The following BICRAL variants were observed in gnomAD, a reference collection of about 807,000 sequenced individuals.
BICRAL encodes BICRA like chromatin remodeling complex associated protein, also known as BRD4-interacting chromatin-remodeling complex-associated protein-like.
In BICRAL, 8 loss-of-function variants were observed where a neutral mutation model predicts 91.8. That is an observed-to-expected ratio of 0.09 (90% CI 0.05 to 0.16). The LOEUF (loss-of-function observed/expected upper bound fraction) is 0.16. Among genes scored for constraint, BICRAL ranks in the 10% least tolerant of loss-of-function variants. The pLI is 1.00. For synonymous variants in BICRAL, 445 were observed against 491.1 expected, an observed-to-expected ratio of 0.91 and a Z score of 1.24; for missense variants, 1,038 against 1,310.9, an observed-to-expected ratio of 0.79 and a Z score of 3.21.
intron 2 of BICRAL, among the ~76,000 whole-genome samples, chr6:42,820,284 A>G (rs1764102863): frequency 6.6e-6 from 1 of 152,188 alleles, no homozygotes; most frequent in Non-Finnish European, 1.5e-5. Flanking sequence ...AGTTTGTTCC[A>G]GAGACGGACA....
At chr6:42,778,312 G>A (rs1762830714), upstream of BICRAL, among the ~76,000 whole-genome samples, 1 of 152,202 alleles carries the variant, frequency 6.6e-6, no homozygotes, top group South Asian at 2.1e-4. Flanking sequence ...GACAGAGCGT[G>A]AGTTTTGGGG....
Position 42,808,358 on chromosome 6 carries a change from C to T in BICRAL, c.-101-1948C>T, listed in dbSNP as rs549572284. 8.6e-5 allele frequency among the ~76,000 whole-genome samples: 13 copies of T among 151,928 alleles called. No individual in the cohort carries two copies. The South Asian group carries it at 1.5e-3, about 17-fold the overall frequency. ...GTTGGTCAGGCTGGTCTCGAACTCC[C>T]GACCTCAGGTGATCGCCTGCCTCAG... On this transcript the variant is annotated intron_variant, in intron 1 of 12. Transcript: ENST00000314073.
Position 42,822,958 on chromosome 6 carries a change from A to G in BICRAL, c.114A>G (p.Ala38=), listed in dbSNP as rs757530367. Reference sequence around the variant, plus strand: ...AGAGCAATGATGACTTGACTAATGCAGGATATTCTGCAGCCAATTCAAATT... The same window carrying G: ...AGAGCAATGATGACTTGACTAATGCGGGATATTCTGCAGCCAATTCAAATT... ...NKSSNDDLTN[A]GYSAANSNSI... is the part of the protein sequence containing the mutation. Residue 38 remains alanine (A), a synonymous_variant, in exon 5 of 13, where the codon GCA becomes GCG. Transcript: ENST00000314073. 5 of 1,611,666 alleles carry G rather than the reference A, an allele frequency of 3.1e-6. No individual in the cohort carries two copies. The highest frequency in any genetic ancestry group is 1.1e-5 in the South Asian group (1 of 91,034).
At chr6:42,775,930 A>G (rs1762801020) in intron 1 of BICRAL, among the ~76,000 whole-genome samples, 1 of 152,224 alleles carries the variant, frequency 6.6e-6, no homozygotes, top group African/African-American at 2.4e-5. Flanking sequence ...AAATAATTCC[A>G]CGGTACTTTT....
At chr6:42,786,285 T>G (rs920707128) in intron 1 of BICRAL, among the ~76,000 whole-genome samples, 1 of 152,214 alleles carries the variant, frequency 6.6e-6, no homozygotes, top group Non-Finnish European at 1.5e-5. Context: ...ATGTCCACAT[T>G]GGAAAGTTTT....
At chr6:42,809,970 A>G (rs1033397881) in intron 1 of BICRAL, among the ~76,000 whole-genome samples, 8 of 151,992 alleles carry the variant, frequency 5.3e-5, no homozygotes, top group Admixed American at 6.6e-5. Context: ...TATTTTTAGT[A>G]GAGACGGGGT....
chr6:42,747,551 AAC>A (rs950815965), intron 1 of BICRAL, among the ~76,000 whole-genome samples: 19 of 152,068 alleles, frequency 1.2e-4, no homozygotes, highest in African/African-American at 4.4e-4. Context: ...AAACAAACAA[AAC>A]ACACATAAAT....
chr6:42,845,195 G>GGTTTT lies in BICRAL; in HGVS notation c.1840-6897_1840-6896insGTTTT, dbSNP rs1562490931. 9.6e-3 allele frequency among the ~76,000 whole-genome samples: 245 copies of GGTTTT among 25,616 alleles called. 69 individuals are homozygous for GGTTTT. The highest frequency in any genetic ancestry group is 0.016 in the South Asian group (9 of 556). The allele number at this position is 25,616 out of a possible 152,430, so 16.8% of individuals were successfully genotyped here. On this transcript the variant is annotated intron_variant, in intron 6 of 12. Transcript: ENST00000314073. ...CTTCTCTGTTTTTTGTTTTTTGGGTGTTTTTTTTTTTTTTTTTTTTTTTTT... is the reference window on the plus strand; with the variant it reads ...CTTCTCTGTTTTTTGTTTTTTGGGTGGTTTTTTTTTTTTTTTTTTTTTTTTTTTTT...
chr6:42,752,463 T>C (rs1762394830), intron 1 of BICRAL, among the ~76,000 whole-genome samples: 1 of 152,208 alleles, frequency 6.6e-6, no homozygotes, highest in African/African-American at 2.4e-5. Flanking sequence ...GTTCTTTGCT[T>C]GCTGAGACTG....
chr6:42,783,069 C>T (rs1463319072), intron 1 of BICRAL, among the ~76,000 whole-genome samples: 3 of 151,730 alleles, frequency 2.0e-5, no homozygotes, highest in Admixed American at 6.6e-5. Flanking sequence ...CGGGCGGCCG[C>T]GGCGAGGAGA....
chr6:42,809,430 A>ATT (rs989054840), intron 1 of BICRAL, among the ~76,000 whole-genome samples: 1,674 of 111,654 alleles, frequency 0.015, 16 homozygotes, highest in African/African-American at 0.025. Flanking sequence ...AACTATGAGA[A>ATT]TTTTTTTTTT....
At chr6:42,749,173 G>T (rs569966173) in intron 1 of BICRAL, among the ~76,000 whole-genome samples, 1 of 152,214 alleles carries the variant, frequency 6.6e-6, no homozygotes, top group African/African-American at 2.4e-5. Flanking sequence ...TTAACTTTTT[G>T]AAAATTTCCA....
intron 1 of BICRAL, among the ~76,000 whole-genome samples, chr6:42,762,923 G>C (rs1321486031): frequency 6.7e-6 from 1 of 148,500 alleles, no homozygotes; most frequent in Non-Finnish European, 1.5e-5. Context: ...GTGAGACTCT[G>C]TCTCAAAAAA....
rs772820870 is a variant in BICRAL at position 42,852,458 on chromosome 6, T to G, written c.1945+261T>G. 3.6e-5 allele frequency: 21 copies of G among 583,024 alleles called. 1 individual carries two copies. The highest frequency in any genetic ancestry group is 3.4e-4 in the East Asian group (9 of 26,222). 36.1% of individuals were successfully genotyped at this position (583,024 alleles called of 1,614,324 possible). Reference sequence around the variant, plus strand: ...GAGTGGATCACCTGAGATCAGGAGTTCAAGACCAGCCCGACCAACATGATG... The same window carrying G: ...GAGTGGATCACCTGAGATCAGGAGTGCAAGACCAGCCCGACCAACATGATG... On this transcript the variant is annotated intron_variant, in intron 7 of 12. Coordinates refer to ENST00000314073, the MANE Select transcript of BICRAL (RefSeq NM_001393499.1).
chr6:42,785,550 A>G lies in BICRAL; in HGVS notation c.-102+3449A>G, dbSNP rs1385096834. 6.6e-3 allele frequency among the ~76,000 whole-genome samples: 921 copies of G among 139,904 alleles called. 1 individual carries two copies. Among genetic ancestry groups the G allele is most frequent in the Non-Finnish European group, 0.011 (723 of 65,642 alleles). 91.8% of individuals were successfully genotyped at this position (139,904 alleles called of 152,430 possible). On this transcript the variant is annotated intron_variant, in intron 1 of 12. Transcript: ENST00000314073. Reference sequence around the variant, plus strand: ...CACTCCAGTCCGGGAAACAAGAACGAAACTCCCATCTCAAAAAAAAAAAAA... The same window carrying G: ...CACTCCAGTCCGGGAAACAAGAACGGAACTCCCATCTCAAAAAAAAAAAAA...
chr6:42,762,338 T>C (rs1022297574), intron 1 of BICRAL, among the ~76,000 whole-genome samples: 8 of 152,194 alleles, frequency 5.3e-5, no homozygotes, highest in Admixed American at 5.2e-4. Flanking sequence ...TTTAACTGGC[T>C]TGTAATGAAA....
chr6:42,841,075 T>TAAA (rs758007416), intron 6 of BICRAL, among the ~76,000 whole-genome samples: 5 of 85,280 alleles, frequency 5.9e-5, no homozygotes, highest in East Asian at 3.8e-4. Context: ...ACTCAATCTT[T>TAAA]AAAAAAAAAA....
At chr6:42,795,160 G>A (rs528018428) in intron 1 of BICRAL, among the ~76,000 whole-genome samples, 9 of 152,222 alleles carry the variant, frequency 5.9e-5, no homozygotes, top group East Asian at 1.9e-4. Flanking sequence ...AGTCGGGTGC[G>A]GTGGCTCACA....
chr6:42,786,625 A>G (rs549762892), intron 1 of BICRAL, among the ~76,000 whole-genome samples: 1 of 152,328 alleles, frequency 6.6e-6, no homozygotes, highest in East Asian at 1.9e-4. Flanking sequence ...ATAATGACAG[A>G]TTAAGAAAAA....
Sources: gnomAD v4.1 joint callset for allele counts (sites outside exome capture counted in the v4.1 genomes callset) on GRCh38, gnomAD v4.1.1 for gene constraint, MANE v1.5 for transcripts, NCBI Gene and HGNC (gene_info 2026-07-23, HGNC 2026-07-21) for gene names.